GAN: variants seen among roughly 807,000 people sequenced by gnomAD.
The protein encoded by GAN is gigaxonin.
A neutral mutation model predicts 71.3 loss-of-function variants in GAN; 48 were observed. That is an observed-to-expected ratio of 0.67 (90% CI 0.53 to 0.86). The LOEUF (loss-of-function observed/expected upper bound fraction) is 0.86. Ranked by LOEUF, GAN falls within the 40% of genes least tolerant of loss-of-function variation. The pLI, the probability that GAN is intolerant of heterozygous loss-of-function variation, is 0.00. For missense variants in GAN, 928 were observed against 770.1 expected (o/e 1.21, Z -2.43); for synonymous variants, 386 against 276.8 (o/e 1.39, Z -3.92).
Position 81,377,306 on chromosome 16 carries a change from T to C in GAN, c.1590T>C (p.Tyr530=), listed in dbSNP as rs1474222234. ...CTGTACCTATAGGAGCCAGTATTTA[T>C]GTTATTGGAGATCTTGATACAGGTA... ...YGAVPIGASI[Y]VIGDLDTGTN... Residue 530 remains tyrosine, a synonymous_variant, in exon 10 of 11, where the codon TAT becomes TAC. Transcript: ENST00000648994. The C allele has an allele frequency of 3.1e-6, 5 of 1,602,278 alleles. No individual in the cohort carries two copies. The highest frequency in any genetic ancestry group is 4.3e-6 in the Non-Finnish European group (5 of 1,169,308).
chr16:81,377,516 G>C lies in GAN; in HGVS notation c.1714G>C (p.Ala572Pro), dbSNP rs554430005. 5.0e-6 allele frequency: 8 copies of C among 1,614,174 alleles called. No individual in the cohort carries two copies. The Admixed American group carries it at 6.7e-5, about 13-fold the overall frequency. Reference protein sequence around the residue: ...PSDLRRTGCAALRIANCKLFR... With the variant: ...PSDLRRTGCAPLRIANCKLFR... ...CGACCTTCGCCGTACAGGATGTGCA[G>C]CCTTACGCATTGCGAATTGCAAGCT... is the stretch of plus-strand genomic sequence containing the variant. Residue 572 changes from alanine (A) to proline (P), a missense_variant, in exon 11 of 11, where the codon GCC (alanine) becomes CCC (proline). Physicochemically the swap from Ala to Pro is conservative, Grantham distance 27 (BLOSUM62 -1). Transcript: ENST00000648994.
Position 81,381,220 on chromosome 16 carries a change from G to A in GAN, c.*3624G>A, listed in dbSNP as rs1567503058. ...ATGTCTTAGCTGCTGTGGTCCATTA[G>A]AGTTCCCTTTGGTACATTCCTACCT... is the stretch of plus-strand genomic sequence containing the variant. On this transcript the variant is annotated 3_prime_UTR_variant, in exon 11 of 11. Transcript: ENST00000648994. 6.6e-6 allele frequency: 1 copy of A among 152,178 alleles called. No individual in the cohort carries two copies. The highest frequency in any genetic ancestry group is 1.5e-5 in the Non-Finnish European group (1 of 68,020). The allele number at this position is 152,178 out of a possible 1,614,324, so 9.4% of individuals were successfully genotyped here.
chr16:81,347,705 A>G lies in GAN; in HGVS notation c.168-3878A>G, dbSNP rs571270400. Among the ~76,000 whole-genome samples the G allele has an allele frequency of 9.8e-5, 15 of 152,306 alleles. No individual in the cohort carries two copies. In the South Asian group the frequency reaches 1.0e-3, roughly 11 times the overall value. The stretch of plus-strand genomic sequence containing the variant: ...TGAAATAATTTTCTTTCAGAATTTT[A>G]AAGTAATTTCTTCTTTATTATTTAA... On this transcript the variant is annotated intron_variant, in intron 1 of 10. Coordinates refer to ENST00000648994, the MANE Select transcript of GAN (RefSeq NM_022041.4).
chr16:81,351,548 T>A (rs1910300126), intron 1 of GAN, 35 bp from the exon 2 acceptor site: 2 of 864,450 alleles, frequency 2.3e-6, no homozygotes, highest in South Asian at 2.6e-5. Context: ...TTTCTGTTCT[T>A]TCATAGAAAT....
chr16:81,375,829 G>A (rs538103762), intron 9 of GAN, among the ~76,000 whole-genome samples: 9 of 152,070 alleles, frequency 5.9e-5, no homozygotes, highest in East Asian at 3.9e-4. Context: ...CATTAGCTGG[G>A]TGTGGTGGTG....
intron 10 of GAN, 23 bp downstream of exon 10, chr16:81,377,351 C>T (rs774154938): frequency 6.3e-7 from 1 of 1,587,224 alleles, no homozygotes; most frequent in Non-Finnish European, 8.7e-7. Flanking sequence ...CAGTGATTTT[C>T]TTGGAACTGT....
chr16:81,316,521 T>C (rs1313772135), intron 1 of GAN, among the ~76,000 whole-genome samples: 2 of 151,668 alleles, frequency 1.3e-5, no homozygotes, highest in Non-Finnish European at 2.9e-5. Flanking sequence ...GGGTCTGGGG[T>C]AGCATCGTTA....
Position 81,383,158 on chromosome 16 carries a change from C to T in GAN, c.*5562C>T, listed in dbSNP as rs1477026860. 1 of 151,652 alleles carries T rather than the reference C, an allele frequency of 6.6e-6. No individual in the cohort carries two copies. The highest frequency in any genetic ancestry group is 1.5e-5 in the Non-Finnish European group (1 of 67,940). The allele number at this position is 151,652 out of a possible 1,614,324, so 9.4% of individuals were successfully genotyped here. The stretch of plus-strand genomic sequence containing the variant: ...TCTCTAAGTGATTGGATTTTTAAAC[C>T]CCTTCCCCTTTTCATGAAATTAAAC... On this transcript the variant is annotated 3_prime_UTR_variant, in exon 11 of 11. Coordinates refer to ENST00000648994, the MANE Select transcript of GAN (RefSeq NM_022041.4).
intron 1 of GAN, among the ~76,000 whole-genome samples, chr16:81,342,250 C>G (rs1909967944): frequency 6.6e-6 from 1 of 152,176 alleles, no homozygotes; most frequent in Non-Finnish European, 1.5e-5. Flanking sequence ...TAAGGGTATG[C>G]AGAACTTGAA....
intron 2 of GAN, among the ~76,000 whole-genome samples, chr16:81,353,377 G>GT (rs1301889728): frequency 6.6e-6 from 1 of 151,900 alleles, no homozygotes; most frequent in East Asian, 1.9e-4. Context: ...GCAGTTGAGT[G>GT]TTTTTTTCAC....
rs1010882529 is a variant in GAN, at chr16:81,387,338, A to G, written c.*9742A>G. On this transcript the variant is annotated 3_prime_UTR_variant, in exon 11 of 11. Coordinates refer to ENST00000648994, the MANE Select transcript of GAN (RefSeq NM_022041.4). Reference sequence around the variant, plus strand: ...TGCCCTAGGGGAGGTTGGCACGGCAACCTTCCCACTCCGTAGGTGGGTAGC... The same window carrying G: ...TGCCCTAGGGGAGGTTGGCACGGCAGCCTTCCCACTCCGTAGGTGGGTAGC... The G allele has an allele frequency of 6.6e-6, 1 of 152,054 alleles. No homozygotes were observed. Among genetic ancestry groups the G allele is most frequent in the African/African-American group, 2.4e-5 (1 of 41,394 alleles). 9.4% of individuals were successfully genotyped at this position (152,054 alleles called of 1,614,324 possible).
intron 1 of GAN, among the ~76,000 whole-genome samples, chr16:81,315,798 C>T (rs564086728): frequency 5.8e-4 from 89 of 152,362 alleles, no homozygotes; most frequent in African/African-American, 2.0e-3. Flanking sequence ...GCGCCCTGCC[C>T]GCTGGGAGGC....
At chr16:81,376,550 C>G (rs1904281035) in intron 9 of GAN, among the ~76,000 whole-genome samples, 1 of 145,936 alleles carries the variant, frequency 6.9e-6, no homozygotes, top group African/African-American at 2.6e-5. Context: ...TGTATATACA[C>G]ACATATACAT....
At position 81,382,805 on chromosome 16, in the gene GAN, GT is replaced by G. The variant is rs1904312137; in HGVS notation, c.*5213del. 1 of 152,052 alleles carries G rather than the reference GT, an allele frequency of 6.6e-6. No homozygotes were observed. The allele number at this position is 152,052 out of a possible 1,614,324, so 9.4% of individuals were successfully genotyped here. ...AAGTTAGCTGGTAAAACTTGGTAAA[GT>G]TTTGTGTTTTTCAGAAGGAACCCTA... is the stretch of plus-strand genomic sequence containing the variant. On this transcript the variant is annotated 3_prime_UTR_variant, in exon 11 of 11. Coordinates refer to ENST00000648994, the MANE Select transcript of GAN (RefSeq NM_022041.4).
chr16:81,369,364 A>G (rs1910962506), intron 9 of GAN, among the ~76,000 whole-genome samples: 1 of 152,224 alleles, frequency 6.6e-6, no homozygotes, highest in Non-Finnish European at 1.5e-5. Flanking sequence ...TGCCACCATG[A>G]AAGAGTAGAA....
intron 2 of GAN, among the ~76,000 whole-genome samples, chr16:81,352,109 C>T (rs189542561): frequency 1.3e-5 from 2 of 152,162 alleles, no homozygotes; most frequent in East Asian, 1.9e-4. Flanking sequence ...CTTCCTGGGG[C>T]GTTGTGGATT....
intron 9 of GAN, among the ~76,000 whole-genome samples, chr16:81,368,054 C>T (rs557805728): frequency 1.1e-4 from 17 of 151,904 alleles, no homozygotes; most frequent in Non-Finnish European, 2.2e-4. Flanking sequence ...TTTAAGTAAT[C>T]TCTTGTCTTT....
intron 1 of GAN, 124 bp downstream of exon 1, chr16:81,315,404 C>T: frequency 3.3e-6 from 2 of 611,598 alleles, no homozygotes; most frequent in South Asian, 8.1e-5. Flanking sequence ...CCCGCGTCAC[C>T]GTTGGCGCGG....
intron 1 of GAN, among the ~76,000 whole-genome samples, chr16:81,351,333 TG>T (rs1402422888): frequency 6.6e-6 from 1 of 152,212 alleles, no homozygotes; most frequent in Non-Finnish European, 1.5e-5. Context: ...TTCATGGTCA[TG>T]TGGATCTTAG....
Sources: allele counts gnomAD v4.1 joint callset (sites outside exome capture counted in the v4.1 genomes callset), GRCh38; gene constraint gnomAD v4.1.1; transcripts MANE v1.5; gene names NCBI Gene and HGNC (gene_info 2026-07-23, HGNC 2026-07-21).